PLXNA4: variants seen among roughly 807,000 people sequenced by gnomAD.
PLXNA4 encodes the protein plexin-A4.
Under a neutral mutation model 191.8 loss-of-function variants are expected in PLXNA4, and 44 were observed. The ratio of observed to expected loss-of-function variants is 0.23; its 90% CI spans 0.18 to 0.29. PLXNA4 has a LOEUF of 0.29. Ranked by LOEUF, PLXNA4 falls within the 10% of genes least tolerant of loss-of-function variation. The pLI, the probability that PLXNA4 is intolerant of heterozygous loss-of-function variation, is 1.00. For synonymous variants in PLXNA4, 1,082 were observed against 1,009.5 expected, an observed-to-expected ratio of 1.07 and a Z score of -1.36; for missense variants, 1,800 against 2,488.8, an observed-to-expected ratio of 0.72 and a Z score of 5.89.
chr7:132,276,306 T>C (rs1800277076), intron 4 of PLXNA4, among the ~76,000 whole-genome samples: 1 of 152,182 alleles, frequency 6.6e-6, no homozygotes, highest in Non-Finnish European at 1.5e-5. Flanking sequence ...TCCTCTTTTC[T>C]TCTCTTTCAG....
At chr7:132,592,477 G>A (rs950105291) in intron 2 of PLXNA4, among the ~76,000 whole-genome samples, 5 of 150,704 alleles carry the variant, frequency 3.3e-5, no homozygotes, top group African/African-American at 7.3e-5. Context: ...TCAGCCATCA[G>A]TTATGCTTGC....
chr7:132,626,715 T>G (rs1430608695), intron 2 of PLXNA4, among the ~76,000 whole-genome samples: 1 of 152,096 alleles, frequency 6.6e-6, no homozygotes, highest in East Asian at 1.9e-4. Context: ...ATTACCCAGT[T>G]CCAGGTATTT....
At position 132,159,523 on chromosome 7, in the gene PLXNA4, A is replaced by C; in HGVS notation, c.4610T>G (p.Phe1537Cys). The C allele has an allele frequency of 6.2e-7, 1 of 1,614,162 alleles. No homozygotes were observed. The highest frequency in any genetic ancestry group is 8.5e-7 in the Non-Finnish European group (1 of 1,180,032). ...CCGGTGGGAGCAAGGCACATTCTTG[A>C]AGATGGCATCCAGAATCTTCTCCTT... The part of the protein sequence containing the change: ...QVKEKILDAI[F>C]KNVPCSHRPK... Residue 1537 changes from phenylalanine (F) to cysteine (C), a missense_variant, in exon 25 of 32, where the codon TTC becomes TGC. Physicochemically the swap from Phe to Cys is radical, Grantham distance 205. This residue lies in a region of PLXNA4 where 214 missense variants were observed against 298.2 expected (regional missense o/e 0.72). Coordinates refer to ENST00000321063, the MANE Select transcript of PLXNA4 (RefSeq NM_020911.2).
At chr7:132,386,802 C>T (rs764913266) in intron 3 of PLXNA4, among the ~76,000 whole-genome samples, 17 of 152,198 alleles carry the variant, frequency 1.1e-4, no homozygotes, top group African/African-American at 2.7e-4. Flanking sequence ...TCCCCAAAGA[C>T]GGGACACTTT....
At chr7:132,470,150 C>T (rs1435106548) in intron 3 of PLXNA4, among the ~76,000 whole-genome samples, 3 of 152,128 alleles carry the variant, frequency 2.0e-5, no homozygotes, top group Admixed American at 1.3e-4. Context: ...ATAATGAAAC[C>T]TCAAATAAAG....
intron 3 of PLXNA4, among the ~76,000 whole-genome samples, chr7:132,299,970 G>C (rs976818895): frequency 6.6e-5 from 10 of 152,180 alleles, no homozygotes. Context: ...ACCAGGGCAG[G>C]TCAAACACAG....
At chr7:132,560,480 C>A (rs776843100) in intron 1 of PLXNA4, among the ~76,000 whole-genome samples, 1 of 152,134 alleles carries the variant, frequency 6.6e-6, no homozygotes, top group African/African-American at 2.4e-5. Flanking sequence ...GATCTTCTTG[C>A]TTCTTTGTCA....
Position 132,562,631 on chromosome 7 carries a change from TCTC to T in PLXNA4, c.-87+13788_-87+13790del, listed in dbSNP as rs1291507770. 1.2e-4 allele frequency among the ~76,000 whole-genome samples: 6 copies of T among 52,016 alleles called. No homozygotes were observed. In the East Asian group the frequency reaches 3.3e-3, roughly 29 times the overall value. 34.1% of individuals were successfully genotyped at this position (52,016 alleles called of 152,430 possible). The stretch of plus-strand genomic sequence containing the variant: ...TCCTTCTCCTCCTCTTCCTCCTCCT[TCTC>T]CTCCTCTTTCTCCTCCTCCTCCTCC... On this transcript the variant is annotated intron_variant, in intron 1 of 31. Transcript: ENST00000321063.
At chr7:132,461,642 T>C (rs1796507980) in intron 3 of PLXNA4, among the ~76,000 whole-genome samples, 1 of 152,236 alleles carries the variant, frequency 6.6e-6, no homozygotes, top group Admixed American at 6.5e-5. Flanking sequence ...TTCTGATGTG[T>C]GGAGAAAATT....
intron 20 of PLXNA4, among the ~76,000 whole-genome samples, chr7:132,177,496 C>T (rs1796515480): frequency 6.6e-6 from 1 of 152,212 alleles, no homozygotes; most frequent in African/African-American, 2.4e-5. Context: ...AAGACCCCTT[C>T]TTCCTACGTG....
intron 1 of PLXNA4, among the ~76,000 whole-genome samples, chr7:132,567,369 C>T (rs1002281254): frequency 3.1e-5 from 4 of 127,850 alleles, no homozygotes; most frequent in African/African-American, 1.2e-4. Context: ...AATTTAATTC[C>T]ATGTGCATCC....
At chr7:132,539,506 T>G (rs1273820161) in intron 1 of PLXNA4, among the ~76,000 whole-genome samples, 3 of 152,182 alleles carry the variant, frequency 2.0e-5, no homozygotes, top group African/African-American at 7.2e-5. Flanking sequence ...CAATCTGATT[T>G]TTCCAAGCCC....
At chr7:132,559,479 T>G (rs1460484087) in intron 1 of PLXNA4, among the ~76,000 whole-genome samples, 2 of 152,208 alleles carry the variant, frequency 1.3e-5, no homozygotes, top group African/African-American at 4.8e-5. Flanking sequence ...CCGGGGTCCC[T>G]CAGTCTTGAA....
intron 2 of PLXNA4, among the ~76,000 whole-genome samples, chr7:132,493,133 G>A (rs1056034231): frequency 6.6e-6 from 1 of 152,118 alleles, no homozygotes; most frequent in African/African-American, 2.4e-5. Context: ...AACAGGTGAG[G>A]GTTGATGTGG....
intron 3 of PLXNA4, among the ~76,000 whole-genome samples, chr7:132,401,990 A>G (rs1447495498): frequency 1.3e-5 from 2 of 152,092 alleles, no homozygotes; most frequent in Non-Finnish European, 1.5e-5. Flanking sequence ...GGTTCATGTC[A>G]CTTTGCCTGA....
rs903681962 is a variant in PLXNA4 at position 132,129,005 on chromosome 7, C to T, written c.*1474G>A. ...CCCATAGCCTCTGCTTACCTAGTAT[C>T]AATTTCTAGGCACACATTTGCCTGC... is the stretch of plus-strand genomic sequence containing the variant. On this transcript the variant is annotated 3_prime_UTR_variant, in exon 32 of 32. Transcript: ENST00000321063. 1.3e-5 allele frequency: 2 copies of T among 152,268 alleles called. No homozygotes were observed. Among genetic ancestry groups the T allele is most frequent in the African/African-American group, 2.4e-5 (1 of 41,460 alleles). The allele number at this position is 152,268 out of a possible 1,614,324, so 9.4% of individuals were successfully genotyped here.
intron 3 of PLXNA4, among the ~76,000 whole-genome samples, chr7:132,450,910 A>C (rs1441074541): frequency 6.6e-6 from 1 of 152,312 alleles, no homozygotes; most frequent in East Asian, 1.9e-4. Context: ...TTTATGGCTC[A>C]AGGTCCTCTG....
chr7:132,312,702 T>C (rs1055211646), intron 3 of PLXNA4, among the ~76,000 whole-genome samples: 1 of 152,218 alleles, frequency 6.6e-6, no homozygotes, highest in African/African-American at 2.4e-5. Context: ...CCTAGCTACA[T>C]GACCTTTGGG....
Position 132,345,966 on chromosome 7 carries a change from A to C in PLXNA4, c.1372-47744T>G, listed in dbSNP as rs80032109. On this transcript the variant is annotated intron_variant, in intron 3 of 31. Coordinates refer to ENST00000321063, the MANE Select transcript of PLXNA4 (RefSeq NM_020911.2). Reference sequence around the variant, plus strand: ...TTTCCCCATCTGCTGCGTGAGCTACAAGGCTCCTATCAGCCCTGGTCACCA... The same window carrying C: ...TTTCCCCATCTGCTGCGTGAGCTACCAGGCTCCTATCAGCCCTGGTCACCA... Among the ~76,000 whole-genome samples, 76 of 152,222 alleles carry C rather than the reference A, an allele frequency of 5.0e-4. 1 individual carries two copies. In the East Asian group the frequency reaches 0.015, roughly 29 times the overall value.
Sources: allele counts gnomAD v4.1 joint callset (sites outside exome capture counted in the v4.1 genomes callset), GRCh38; gene constraint gnomAD v4.1.1; regional missense constraint gnomAD v4.1.1; transcripts MANE v1.5; gene names NCBI Gene and HGNC (gene_info 2026-07-23, HGNC 2026-07-21).